Variants in SYNRG observed in about 807,000 individuals in gnomAD.
SYNRG encodes the protein synergin gamma.
A neutral mutation model predicts 130.9 loss-of-function variants in SYNRG; 37 were observed. The observed-to-expected ratio is 0.28, with a 90% CI of 0.22 to 0.37. The LOEUF (loss-of-function observed/expected upper bound fraction) is 0.37. Among genes scored for constraint, SYNRG ranks in the 10% least tolerant of loss-of-function variants. The pLI is 1.00. For missense variants in SYNRG, 1,338 were observed against 1,588.9 expected (o/e 0.84, Z 2.68); for synonymous variants, 539 against 568.1 (o/e 0.95, Z 0.73).
chr17:37,579,513 C>T, intron 6 of SYNRG: 1 of 1,081,572 alleles, frequency 9.2e-7, no homozygotes, highest in Non-Finnish European at 1.2e-6. Context: ...TAGTACAATT[C>T]CAAAAGAATA....
intron 3 of SYNRG, among the ~76,000 whole-genome samples, chr17:37,593,168 T>C (rs2062359279): frequency 6.6e-6 from 1 of 152,112 alleles, no homozygotes; most frequent in Admixed American, 6.5e-5. Flanking sequence ...ATCCCAGCCC[T>C]TTGAGAGGCC....
chr17:37,602,560 G>A (rs189366705), intron 1 of SYNRG, among the ~76,000 whole-genome samples: 14 of 152,202 alleles, frequency 9.2e-5, no homozygotes, highest in African/African-American at 2.9e-4. Context: ...GTAGAATAGC[G>A]GTGAGAATGA....
At chr17:37,520,769 T>G (rs2054919832) in intron 19 of SYNRG, 121 bp from the exon 20 acceptor site, 1 of 741,602 alleles carries the variant, frequency 1.3e-6, no homozygotes, top group Non-Finnish European at 2.3e-6. Context: ...ACACCACCAC[T>G]ACAAGAATTA....
rs1470163131 is a variant in SYNRG, at chr17:37,516,880, G to A, written c.*2060C>T. The stretch of plus-strand genomic sequence containing the variant: ...TGCCCAGGGCTGGTCTCTAACTCCT[G>A]GGAAACATTCTTATTGCAAAGGTAG... On this transcript the variant is annotated 3_prime_UTR_variant, in exon 22 of 22. Transcript: ENST00000612223. The A allele has an allele frequency of 6.6e-6, 1 of 152,060 alleles. No homozygotes were observed. The highest frequency in any genetic ancestry group is 1.5e-5 in the Non-Finnish European group (1 of 68,016). The allele number at this position is 152,060 out of a possible 1,614,324, so 9.4% of individuals were successfully genotyped here.
intron 1 of SYNRG, among the ~76,000 whole-genome samples, chr17:37,602,855 C>T (rs2147097177): frequency 6.6e-6 from 1 of 152,242 alleles, no homozygotes; most frequent in East Asian, 1.9e-4. Context: ...AAAACCCCAT[C>T]TTTACTAAAA....
chr17:37,529,693 G>A (rs2056403579), intron 19 of SYNRG: 2 of 1,262,312 alleles, frequency 1.6e-6, no homozygotes, highest in South Asian at 2.7e-5. Context: ...ACCTCAAGAA[G>A]TAAACGCACA....
Position 37,542,456 on chromosome 17 carries a change from T to G in SYNRG, c.2718A>C (p.Arg906Ser). ...WSDRDDATQG[R>S]KLSPFVLSAG... ...CTGAGAGGACAAATGGAGAGAGTTT[T>G]CTGCCCTGAGTTGCATCATCCCTGT... The change falls in exon 15 of 22, where the codon AGA becomes AGC. Residue 906 changes from arginine (R) to serine (S), a missense_variant. By Grantham distance (110) the Arg-to-Ser change is moderately radical (BLOSUM62 -1). Coordinates refer to ENST00000612223, the MANE Select transcript of SYNRG (RefSeq NM_007247.6). 6.2e-7 allele frequency: 1 copy of G among 1,614,166 alleles called. No homozygotes were observed.
chr17:37,527,326 T>A (rs1256856669), intron 19 of SYNRG, among the ~76,000 whole-genome samples: 1 of 152,230 alleles, frequency 6.6e-6, no homozygotes, highest in African/African-American at 2.4e-5. Context: ...AAACCTTAGA[T>A]GACAAGTCAC....
intron 6 of SYNRG, chr17:37,579,428 G>C (rs1345628139): frequency 7.7e-7 from 1 of 1,302,732 alleles, no homozygotes; most frequent in East Asian, 5.6e-5. Flanking sequence ...AGATGATGTG[G>C]GGCAATCTGC....
At chr17:37,545,635 T>C (rs1433198472) in intron 14 of SYNRG, among the ~76,000 whole-genome samples, 8 of 152,166 alleles carry the variant, frequency 5.3e-5, no homozygotes, top group Non-Finnish European at 1.2e-4. Context: ...TTTCAGGAAA[T>C]CTTATTTTTG....
At chr17:37,551,528 C>A (rs563685571) in intron 14 of SYNRG, among the ~76,000 whole-genome samples, 151 of 152,024 alleles carry the variant, frequency 9.9e-4, no homozygotes, top group South Asian at 7.3e-3. Flanking sequence ...TAAGAACAAG[C>A]TTGGTCAAAA....
chr17:37,579,897 T>A (rs1020680551), intron 6 of SYNRG, among the ~76,000 whole-genome samples: 3 of 152,112 alleles, frequency 2.0e-5, no homozygotes, highest in Admixed American at 2.0e-4. Context: ...TCTTTTTTTT[T>A]TTCATAGAGA....
chr17:37,572,325 G>C (rs536974637), intron 8 of SYNRG, among the ~76,000 whole-genome samples: 12 of 152,148 alleles, frequency 7.9e-5, no homozygotes, highest in African/African-American at 2.7e-4. Context: ...TACTCAGGAG[G>C]CTGAGGCAGG....
intron 19 of SYNRG, among the ~76,000 whole-genome samples, chr17:37,523,248 A>G (rs959485705): frequency 2.6e-5 from 4 of 151,818 alleles, no homozygotes; most frequent in Non-Finnish European, 4.4e-5. Context: ...TGCAGCCTCA[A>G]ACTCTTGGGA....
At position 37,566,442 on chromosome 17, in the gene SYNRG, T is replaced by G. The variant is rs554991237; in HGVS notation, c.1481+2349A>C. On this transcript the variant is annotated intron_variant, in intron 11 of 21. Transcript: ENST00000612223. ...AAACAGATGCTTGAAGGCAGCATGC[T>G]CGTTAAGAGTCATCACCACTCCCTA... Among the ~76,000 whole-genome samples, 6 of 146,436 alleles carry G rather than the reference T, an allele frequency of 4.1e-5. No homozygotes were observed. The South Asian group carries it at 1.4e-3, about 34-fold the overall frequency.
At chr17:37,608,276 C>T (rs2063992051) in intron 1 of SYNRG, among the ~76,000 whole-genome samples, 4 of 152,062 alleles carry the variant, frequency 2.6e-5, no homozygotes, top group African/African-American at 7.2e-5. Flanking sequence ...GTTCACGACT[C>T]CGAAATTGAA....
chr17:37,569,176 G>A (rs1422887415), intron 10 of SYNRG, among the ~76,000 whole-genome samples: 3 of 152,336 alleles, frequency 2.0e-5, no homozygotes, highest in East Asian at 1.9e-4. Context: ...TTGGGAGATC[G>A]AGGCAGACAG....
At chr17:37,600,523 C>A (rs1197700519) in intron 1 of SYNRG, 120 bp from the exon 2 acceptor site, 5 of 963,030 alleles carry the variant, frequency 5.2e-6, no homozygotes, top group Non-Finnish European at 8.2e-6. Context: ...TTCTGCACCA[C>A]AATACTGAAT....
intron 19 of SYNRG, among the ~76,000 whole-genome samples, chr17:37,525,291 A>G (rs1373289921): frequency 6.6e-6 from 1 of 152,114 alleles, no homozygotes; most frequent in African/African-American, 2.4e-5. Flanking sequence ...TACATATTAT[A>G]TATGGCCTAC....
Sources: allele counts gnomAD v4.1 joint callset (sites outside exome capture counted in the v4.1 genomes callset), GRCh38; gene constraint gnomAD v4.1.1; transcripts MANE v1.5; gene names NCBI Gene and HGNC (gene_info 2026-07-23, HGNC 2026-07-21).